Variants in PCDHB9 observed in about 807,000 individuals in gnomAD.
PCDHB9 encodes protocadherin beta-9.
For synonymous variants in PCDHB9, 501 were observed against 439.7 expected (o/e 1.14, Z -1.75); for missense variants, 1,072 against 995.1 (o/e 1.08, Z -1.04).
chr5:141,188,360 A>C lies in PCDHB9; in HGVS notation c.1042A>C (p.Ile348Leu), dbSNP rs962171148. 1 of 1,614,074 alleles carries C rather than the reference A, an allele frequency of 6.2e-7. No individual in the cohort carries two copies. Among genetic ancestry groups the C allele is most frequent in the Non-Finnish European group, 8.5e-7 (1 of 1,179,976 alleles). ...LDSNDNPPELIISSLSNSVAE... is the reference protein window; with the variant it reads ...LDSNDNPPELLISSLSNSVAE... ...TTCCAATGACAATCCTCCTGAACTG[A>C]TCATATCATCACTTTCCAACTCTGT... Residue 348 changes from isoleucine to leucine, a missense_variant, in exon 1 of 1, where the codon ATC becomes CTC. By Grantham distance (5) the Ile-to-Leu change is conservative. Coordinates refer to ENST00000316105, the MANE Select transcript of PCDHB9 (RefSeq NM_019119.5).
At position 141,187,889 on chromosome 5, in the gene PCDHB9, T is replaced by C. The variant is rs1554282866; in HGVS notation, c.571T>C (p.Tyr191His). The C allele has an allele frequency of 1.2e-6, 2 of 1,614,186 alleles. No individual in the cohort carries two copies. Among genetic ancestry groups the C allele is most frequent in the East Asian group, 4.5e-5 (2 of 44,874 alleles). Residue 191 changes from tyrosine to histidine, a missense_variant, in exon 1 of 1, where the codon TAT becomes CAT. Tyr to His is a moderately conservative substitution (Grantham distance 83). Transcript: ENST00000316105. ...TAGTGGCAGTGATGAAGGCATGATA[T>C]ATCCAGAGCTAGTGTTGGACAAAGC... Reference protein sequence around the residue: ...KISGSDEGMIYPELVLDKALD... With the variant: ...KISGSDEGMIHPELVLDKALD...
In PCDHB9 at chr5:141,188,221, C is replaced by T; in HGVS notation, c.903C>T (p.Ile301=). ...TFQINPFSGE[I]FLRELLDYEL... is the part of the protein sequence containing the mutation. ...AAATCAATCCTTTTTCTGGGGAAAT[C>T]TTTCTCAGAGAATTGCTTGATTATG... is the stretch of plus-strand genomic sequence containing the variant. The change falls in exon 1 of 1, where the codon ATC becomes ATT. Residue 301 remains isoleucine, a synonymous_variant. Coordinates refer to ENST00000316105, the MANE Select transcript of PCDHB9 (RefSeq NM_019119.5). The T allele has an allele frequency of 6.2e-7, 1 of 1,612,782 alleles. No individual in the cohort carries two copies. The highest frequency in any genetic ancestry group is 2.2e-5 in the East Asian group (1 of 44,874).
rs1459350151 is a variant in PCDHB9, at chr5:141,188,257, T to C, written c.939T>C (p.Asn313=). The change falls in exon 1 of 1, where the codon AAT becomes AAC. Residue 313 remains asparagine, a synonymous_variant. Coordinates refer to ENST00000316105, the MANE Select transcript of PCDHB9 (RefSeq NM_019119.5). ...LRELLDYELV[N]SYKINIQAMD... is the part of the protein sequence containing the mutation. Reference sequence around the variant, plus strand: ...AATTGCTTGATTATGAGTTAGTAAATTCTTACAAAATAAATATACAGGCAA... The same window carrying C: ...AATTGCTTGATTATGAGTTAGTAAACTCTTACAAAATAAATATACAGGCAA... The C allele has an allele frequency of 6.2e-7, 1 of 1,614,036 alleles. No homozygotes were observed. Among genetic ancestry groups the C allele is most frequent in the Non-Finnish European group, 8.5e-7 (1 of 1,179,982 alleles).
In PCDHB9 at chr5:141,188,920, A is replaced by C; in HGVS notation, c.1602A>C (p.Ser534=). Residue 534 remains serine, a synonymous_variant, in exon 1 of 1, where the codon TCA becomes TCC. Transcript: ENST00000316105. The part of the protein sequence containing the change: ...LQAFDFRVGA[S]DRGSPALSSE... ...CTTTCGACTTCCGCGTGGGCGCCTC[A>C]GACCGCGGCTCCCCGGCTTTGAGCA... is the stretch of plus-strand genomic sequence containing the variant. 2 of 1,612,154 alleles carry C rather than the reference A, an allele frequency of 1.2e-6. No individual in the cohort carries two copies.
Position 141,187,333 on chromosome 5 carries a change from G to A in PCDHB9, c.15G>A (p.Gly5=). 3 of 1,613,890 alleles carry A rather than the reference G, an allele frequency of 1.9e-6. No homozygotes were observed. The highest frequency in any genetic ancestry group is 2.5e-6 in the Non-Finnish European group (3 of 1,179,922). ...AAGAAGCAGCTATGAAGACCAGGGG[G>A]TTCAGCTTTCCAAGACAAAGGCAAG... The part of the protein sequence containing the change: MKTR[G]FSFPRQRQVL... The change falls in exon 1 of 1, where the codon GGG becomes GGA. Residue 5 remains glycine, a synonymous_variant. Transcript: ENST00000316105.
Position 141,189,793 on chromosome 5 carries a change from A to T in PCDHB9, c.*81A>T, listed in dbSNP as rs1753855685. On this transcript the variant is annotated 3_prime_UTR_variant, in exon 1 of 1. Transcript: ENST00000316105. ...TAAATTGTGTATGCCCACCACAAAG[A>T]AGGTACTATTTTTTGTTTGATTCAT... The T allele has an allele frequency of 8.0e-7, 1 of 1,251,152 alleles. No individual in the cohort carries two copies. The highest frequency in any genetic ancestry group is 1.5e-5 in the African/African-American group (1 of 66,354). The allele number at this position is 1,251,152 out of a possible 1,614,324, so 77.5% of individuals were successfully genotyped here. A position where few individuals can be genotyped will look rare whatever the true frequency, so the allele number is the denominator to read the frequency against.
chr5:141,188,872 G>C lies in PCDHB9; in HGVS notation c.1554G>C (p.Ser518=), dbSNP rs782661961. The C allele has an allele frequency of 2.9e-5, 46 of 1,612,616 alleles. No individual in the cohort carries two copies. Among genetic ancestry groups the C allele is most frequent in the South Asian group, 8.8e-5 (8 of 91,012 alleles). ...ATGGCCACCTGTTTGCCCTCAGGTC[G>C]CTGGACTACGAGGCCCTGCAGGCTT... ...ADNGHLFALR[S]LDYEALQAFD... The change falls in exon 1 of 1, where the codon TCG becomes TCC. Residue 518 remains serine (S), a synonymous_variant. Transcript: ENST00000316105.
rs782395354 is a variant in PCDHB9 at position 141,188,736 on chromosome 5, T to G, written c.1418T>G (p.Val473Gly). 1.9e-5 allele frequency: 30 copies of G among 1,613,232 alleles called. No homozygotes were observed. The South Asian group carries it at 2.9e-4, about 15-fold the overall frequency. ...NNSPALHIGS[V>G]SATDRDSGTN... ...AGCCCCGCCCTGCACATCGGCAGTGTCAGCGCCACAGACAGAGACTCAGGC... is the reference window on the plus strand; with the variant it reads ...AGCCCCGCCCTGCACATCGGCAGTGGCAGCGCCACAGACAGAGACTCAGGC... The change falls in exon 1 of 1, where the codon GTC becomes GGC. Residue 473 changes from valine (V) to glycine (G), a missense_variant. Coordinates refer to ENST00000316105, the MANE Select transcript of PCDHB9 (RefSeq NM_019119.5).
In PCDHB9 at chr5:141,189,785, C is replaced by A; in HGVS notation, c.*73C>A. 3 of 1,293,342 alleles carry A rather than the reference C, an allele frequency of 2.3e-6. No individual in the cohort carries two copies. Among genetic ancestry groups the A allele is most frequent in the Non-Finnish European group, 1.1e-6 (1 of 937,200 alleles). The allele number at this position is 1,293,342 out of a possible 1,614,324, so 80.1% of individuals were successfully genotyped here. ...TGGCTAACTAAATTGTGTATGCCCACCACAAAGAAGGTACTATTTTTTGTT... is the reference window on the plus strand; with the variant it reads ...TGGCTAACTAAATTGTGTATGCCCAACACAAAGAAGGTACTATTTTTTGTT... On this transcript the variant is annotated 3_prime_UTR_variant, in exon 1 of 1. Coordinates refer to ENST00000316105, the MANE Select transcript of PCDHB9 (RefSeq NM_019119.5).
rs112709596 is a variant in PCDHB9, at chr5:141,189,106, G to A, written c.1788G>A (p.Ser596=). 197 of 1,601,732 alleles carry A rather than the reference G, an allele frequency of 1.2e-4. 1 individual carries two copies. In the African/African-American group the frequency reaches 2.0e-3, roughly 16 times the overall value. The change falls in exon 1 of 1, where the codon TCG becomes TCA. Residue 596 remains serine (S), a synonymous_variant. Transcript: ENST00000316105. ...AGGTGGTGGCGGTGGACGGCGACTC[G>A]GGCCAGAACGCCTGGCTGTCGTACC... is the stretch of plus-strand genomic sequence containing the variant. The part of the protein sequence containing the change: ...VTKVVAVDGD[S]GQNAWLSYQL...
In PCDHB9 at chr5:141,187,967, G is replaced by T. The variant is rs1417522735; in HGVS notation, c.649G>T (p.Gly217Cys). Reference protein sequence around the residue: ...ELSLTLTALDGGSPSRSGTST... With the variant: ...ELSLTLTALDCGSPSRSGTST... ...CAGCTTAACCCTCACAGCGCTGGAT[G>T]GTGGGTCTCCATCCAGGTCTGGGAC... Residue 217 changes from glycine (G) to cysteine (C), a missense_variant, in exon 1 of 1, where the codon GGT becomes TGT. By Grantham distance (159) the Gly-to-Cys change is radical. Transcript: ENST00000316105. The T allele has an allele frequency of 6.2e-7, 1 of 1,613,914 alleles. No homozygotes were observed. The highest frequency in any genetic ancestry group is 1.3e-5 in the African/African-American group (1 of 74,922).
rs888818231 is a variant in PCDHB9 at position 141,191,211 on chromosome 5, A to G, written c.*1499A>G. Reference sequence around the variant, plus strand: ...GGAAGTTGCTTTGAGCCGAGATTGCACCATTGTACTCCAGCCTGGGCAATA... The same window carrying G: ...GGAAGTTGCTTTGAGCCGAGATTGCGCCATTGTACTCCAGCCTGGGCAATA... On this transcript the variant is annotated 3_prime_UTR_variant, in exon 1 of 1. Coordinates refer to ENST00000316105, the MANE Select transcript of PCDHB9 (RefSeq NM_019119.5). 3 of 152,140 alleles carry G rather than the reference A, an allele frequency of 2.0e-5. No homozygotes were observed. The highest frequency in any genetic ancestry group is 2.9e-5 in the Non-Finnish European group (2 of 68,036). The allele number at this position is 152,140 out of a possible 1,614,324, so 9.4% of individuals were successfully genotyped here.
At position 141,188,677 on chromosome 5, in the gene PCDHB9, A is replaced by C; in HGVS notation, c.1359A>C (p.Gln453His). The C allele has an allele frequency of 6.2e-7, 1 of 1,613,858 alleles. No individual in the cohort carries two copies. The highest frequency in any genetic ancestry group is 8.5e-7 in the Non-Finnish European group (1 of 1,179,964). Residue 453 changes from glutamine to histidine, a missense_variant, in exon 1 of 1, where the codon CAA becomes CAC. Coordinates refer to ENST00000316105, the MANE Select transcript of PCDHB9 (RefSeq NM_019119.5). ...DVNDNAPAFT[Q>H]TSYTLFVREN... ...ATGACAACGCCCCCGCCTTCACCCA[A>C]ACCTCCTACACCCTGTTCGTCCGGG...
Position 141,187,812 on chromosome 5 carries a change from A to G in PCDHB9, c.494A>G (p.Asn165Ser). The change falls in exon 1 of 1, where the codon AAC becomes AGC. Residue 165 changes from asparagine to serine, a missense_variant. Physicochemically the swap from Asn to Ser is conservative, Grantham distance 46 (BLOSUM62 1). Transcript: ENST00000316105. ...ERAQDPDEGH[N>S]SIQNYTISSN... ...GCACAGGATCCAGATGAAGGTCATA[A>G]CAGTATCCAAAACTACACGATCAGC... is the stretch of plus-strand genomic sequence containing the variant. 1 of 1,614,204 alleles carries G rather than the reference A, an allele frequency of 6.2e-7. No homozygotes were observed. Among genetic ancestry groups the G allele is most frequent in the African/African-American group, 1.3e-5 (1 of 75,046 alleles).
In PCDHB9 at chr5:141,188,037, C is replaced by A; in HGVS notation, c.719C>A (p.Pro240Gln). Residue 240 changes from proline (P) to glutamine (Q), a missense_variant, in exon 1 of 1, where the codon CCA becomes CAA. By Grantham distance (76) the Pro-to-Gln change is moderately conservative (BLOSUM62 -1). Transcript: ENST00000316105. Reference protein sequence around the residue: ...IVVLDVNDNVPQFAQALYETQ... With the variant: ...IVVLDVNDNVQQFAQALYETQ... ...GTCTTGGATGTCAATGACAATGTCC[C>A]ACAGTTTGCCCAGGCTCTGTATGAG... The A allele has an allele frequency of 6.2e-7, 1 of 1,614,026 alleles. No homozygotes were observed. The highest frequency in any genetic ancestry group is 8.5e-7 in the Non-Finnish European group (1 of 1,180,002).
chr5:141,189,783 C>A lies in PCDHB9; in HGVS notation c.*71C>A. 7.7e-7 allele frequency: 1 copy of A among 1,304,702 alleles called. No individual in the cohort carries two copies. The highest frequency in any genetic ancestry group is 1.1e-6 in the Non-Finnish European group (1 of 945,256). 80.8% of individuals were successfully genotyped at this position (1,304,702 alleles called of 1,614,324 possible). A position where few individuals can be genotyped will look rare whatever the true frequency, so the allele number is the denominator to read the frequency against. Reference sequence around the variant, plus strand: ...GTTGGCTAACTAAATTGTGTATGCCCACCACAAAGAAGGTACTATTTTTTG... The same window carrying A: ...GTTGGCTAACTAAATTGTGTATGCCAACCACAAAGAAGGTACTATTTTTTG... On this transcript the variant is annotated 3_prime_UTR_variant, in exon 1 of 1. Coordinates refer to ENST00000316105, the MANE Select transcript of PCDHB9 (RefSeq NM_019119.5).
rs1321677288 is a variant in PCDHB9, at chr5:141,189,948, T to A, written c.*236T>A. 3 of 400,998 alleles carry A rather than the reference T, an allele frequency of 7.5e-6. No individual in the cohort carries two copies. The highest frequency in any genetic ancestry group is 1.3e-5 in the Non-Finnish European group (3 of 231,828). 24.8% of individuals were successfully genotyped at this position (400,998 alleles called of 1,614,324 possible). On this transcript the variant is annotated 3_prime_UTR_variant, in exon 1 of 1. Coordinates refer to ENST00000316105, the MANE Select transcript of PCDHB9 (RefSeq NM_019119.5). ...TTTCAAAGTTGATATCATTTAAAAATTTTTGGTCGTTTTAAATGTCTTTAT... is the reference window on the plus strand; with the variant it reads ...TTTCAAAGTTGATATCATTTAAAAAATTTTGGTCGTTTTAAATGTCTTTAT...
Position 141,188,246 on chromosome 5 carries a change from G to C in PCDHB9, c.928G>C (p.Glu310Gln). 1.2e-6 allele frequency: 2 copies of C among 1,613,944 alleles called. No homozygotes were observed. The highest frequency in any genetic ancestry group is 1.3e-5 in the African/African-American group (1 of 75,038). ...CTTTCTCAGAGAATTGCTTGATTAT[G>C]AGTTAGTAAATTCTTACAAAATAAA... ...EIFLRELLDY[E>Q]LVNSYKINIQ... is the part of the protein sequence containing the mutation. The change falls in exon 1 of 1, where the codon GAG becomes CAG. Residue 310 changes from glutamate to glutamine, a missense_variant. By Grantham distance (29) the Glu-to-Gln change is conservative. Transcript: ENST00000316105.
chr5:141,188,566 G>A lies in PCDHB9; in HGVS notation c.1248G>A (p.Glu416=), dbSNP rs782099946. The A allele has an allele frequency of 5.0e-6, 8 of 1,614,182 alleles. No individual in the cohort carries two copies. In the Admixed American group the frequency reaches 5.0e-5, roughly 10 times the overall value. ...CACTGGACAGAGAGAGCAAAGCTGA[G>A]TACAACATCACCATCACCGTCACTG... ...EGALDRESKA[E]YNITITVTDL... is the part of the protein sequence containing the mutation. Residue 416 remains glutamate, a synonymous_variant, in exon 1 of 1, where the codon GAG becomes GAA. Coordinates refer to ENST00000316105, the MANE Select transcript of PCDHB9 (RefSeq NM_019119.5).
Sources: allele counts gnomAD v4.1 joint callset, GRCh38; gene constraint gnomAD v4.1.1; transcripts MANE v1.5; gene names NCBI Gene and HGNC (gene_info 2026-07-23, HGNC 2026-07-21).